PGLYRP1: variants seen among roughly 807,000 people sequenced by gnomAD.
The protein encoded by PGLYRP1 is TNF superfamily, member 3 (LTB)-like (peptidoglycan recognition protein).
Under a neutral mutation model 16.3 loss-of-function variants are expected in PGLYRP1, and 18 were observed. The ratio of observed to expected loss-of-function variants is 1.11; its 90% CI spans 0.77 to 1.64. PGLYRP1 has a LOEUF of 1.64. Ranked by LOEUF, PGLYRP1 falls within the 40% of genes most tolerant of loss-of-function variation. The probability of loss-of-function intolerance (pLI) is 0.00; values close to 1 mark genes in which losing one functional copy is unlikely to be tolerated. For synonymous variants in PGLYRP1, 89 were observed against 105.7 expected (o/e 0.84, Z 0.97); for missense variants, 261 against 268.6 (o/e 0.97, Z 0.20).
chr19:46,020,343 A>G (rs1175150685), intron 1 of PGLYRP1, among the ~76,000 whole-genome samples: 1 of 152,082 alleles, frequency 6.6e-6, no homozygotes, highest in Non-Finnish European at 1.5e-5. Flanking sequence ...TCCCGACCTC[A>G]GGTGATCTGC....
intron 1 of PGLYRP1, among the ~76,000 whole-genome samples, chr19:46,021,985 CTG>C (rs1282579357): frequency 6.6e-6 from 1 of 152,216 alleles, no homozygotes; most frequent in African/African-American, 2.4e-5. Flanking sequence ...TCCAAGGAGC[CTG>C]TGTGGGTCTG....
chr19:46,020,105 C>CT (rs11477830), intron 1 of PGLYRP1, among the ~76,000 whole-genome samples: 10,865 of 127,758 alleles, frequency 0.085, 583 homozygotes, highest in African/African-American at 0.15. Flanking sequence ...GAGGCAGAGA[C>CT]TTTTTTTTTT....
At position 46,019,182 on chromosome 19, in the gene PGLYRP1, G is replaced by T; in HGVS notation, c.*56C>A. 6.8e-7 allele frequency: 1 copy of T among 1,471,172 alleles called. No homozygotes were observed. Among genetic ancestry groups the T allele is most frequent in the South Asian group, 1.1e-5 (1 of 87,456 alleles). 91.1% of individuals were successfully genotyped at this position (1,471,172 alleles called of 1,614,324 possible). On this transcript the variant is annotated 3_prime_UTR_variant, in exon 3 of 3. Coordinates refer to ENST00000008938, the MANE Select transcript of PGLYRP1 (RefSeq NM_005091.3). This position sits in a 1 kb window ranked among gnomAD's most constrained non-coding sequence, Gnocchi z 4.8. ...GAGCTACATCTTTATTGGAGAAGGA[G>T]ACAGTGGGGTTTTTGGCCATGGGAG...
rs773802420 is a variant in PGLYRP1, at chr19:46,019,655, G to A, written c.288-8C>T. Reference sequence around the variant, plus strand: ...TCTTCTCCAATCAGGAAGCTGCATGGGGAGGTGGGGGGGCTTGATGAGTGA... The same window carrying A: ...TCTTCTCCAATCAGGAAGCTGCATGAGGAGGTGGGGGGGCTTGATGAGTGA... On this transcript the variant is annotated splice_polypyrimidine_tract_variant and splice_region_variant and intron_variant, in intron 1 of 2. Coordinates refer to ENST00000008938, the MANE Select transcript of PGLYRP1 (RefSeq NM_005091.3). This position sits in a 1 kb window ranked among gnomAD's most constrained non-coding sequence, Gnocchi z 4.8. 5.6e-6 allele frequency: 9 copies of A among 1,611,580 alleles called. No individual in the cohort carries two copies. In the East Asian group the frequency reaches 2.0e-4, roughly 36 times the overall value.
chr19:46,021,712 G>A (rs888899435), intron 1 of PGLYRP1, among the ~76,000 whole-genome samples: 29 of 152,168 alleles, frequency 1.9e-4, no homozygotes, highest in African/African-American at 6.8e-4. Context: ...GCTCTGCGGG[G>A]GGAAGCCTCC....
Position 46,022,837 on chromosome 19 carries a change from G to C in PGLYRP1, c.185C>G (p.Thr62Arg). The change falls in exon 1 of 3, where the codon ACG (threonine) becomes AGG (arginine). Residue 62 changes from threonine to arginine, a missense_variant. Physicochemically the swap from Thr to Arg is moderately conservative, Grantham distance 71. Transcript: ENST00000008938. The part of the protein sequence containing the change: ...LPLRYVVVSH[T>R]AGSSCNTPAS... Reference sequence around the variant, plus strand: ...GGGGGTGTTGCAGCTGCTGCCCGCCGTGTGCGATACCACCACATAGCGTAA... The same window carrying C: ...GGGGGTGTTGCAGCTGCTGCCCGCCCTGTGCGATACCACCACATAGCGTAA... 1 of 1,613,562 alleles carries C rather than the reference G, an allele frequency of 6.2e-7. No homozygotes were observed. The highest frequency in any genetic ancestry group is 8.5e-7 in the Non-Finnish European group (1 of 1,179,760).
At chr19:46,022,143 C>T (rs1221643646) in intron 1 of PGLYRP1, among the ~76,000 whole-genome samples, 9 of 152,286 alleles carry the variant, frequency 5.9e-5, no homozygotes, top group African/African-American at 2.2e-4. Context: ...CTCCATGCCA[C>T]ATCTGGCACA....
At chr19:46,020,501 C>T (rs922647294) in intron 1 of PGLYRP1, among the ~76,000 whole-genome samples, 2 of 152,108 alleles carry the variant, frequency 1.3e-5, no homozygotes, top group Non-Finnish European at 2.9e-5. Flanking sequence ...GAGCCCCCTG[C>T]CTCTCAGAAC....
chr19:46,022,810 G>GC lies in PGLYRP1; in HGVS notation c.211dup (p.Ala71GlyfsTer131), dbSNP rs1322374252. On this transcript the variant is annotated frameshift_variant, in exon 1 of 3. Coordinates refer to ENST00000008938, the MANE Select transcript of PGLYRP1 (RefSeq NM_005091.3). LOFTEE classifies it high-confidence loss of function. ...ATTCCGGGCCTGCTGCTGGCACGAG[G>GC]CGGGGGTGTTGCAGCTGCTGCCCGC... is the stretch of plus-strand genomic sequence containing the variant. 1.2e-6 allele frequency: 2 copies of GC among 1,613,956 alleles called. No individual in the cohort carries two copies. Among genetic ancestry groups the GC allele is most frequent in the African/African-American group, 2.7e-5 (2 of 74,946 alleles).
At chr19:46,022,625 T>G (rs1969057222) in intron 1 of PGLYRP1, 110 bp downstream of exon 1, 2 of 1,253,700 alleles carry the variant, frequency 1.6e-6, no homozygotes, top group South Asian at 2.7e-5. Context: ...GCTCAGGGTG[T>G]CAGCCAGGTG....
intron 1 of PGLYRP1, 33 bp downstream of exon 1, chr19:46,022,702 C>T: frequency 6.2e-7 from 1 of 1,611,598 alleles, no homozygotes; most frequent in African/African-American, 1.3e-5. Context: ...TCTGGGATCC[C>T]CAGTCCAGCC....
rs1261649569 is a variant in PGLYRP1, at chr19:46,019,423, G to A, written c.410-4C>T. On this transcript the variant is annotated splice_polypyrimidine_tract_variant and splice_region_variant and intron_variant, in intron 2 of 2. Transcript: ENST00000008938. The surrounding 1 kb of genome is among the most constrained non-coding windows in gnomAD (Gnocchi z 4.8). ...GCCTGGGGTGTGGGCACCCGATCTG[G>A]AGGAGGCAGAGGTAGGAGTCAGGCA... The A allele has an allele frequency of 6.2e-7, 1 of 1,613,090 alleles. No individual in the cohort carries two copies. The highest frequency in any genetic ancestry group is 8.5e-7 in the Non-Finnish European group (1 of 1,179,704).
At chr19:46,022,586 A>C in intron 1 of PGLYRP1, 149 bp downstream of exon 1, 2 of 822,752 alleles carry the variant, frequency 2.4e-6, no homozygotes, top group Non-Finnish European at 3.8e-6. Flanking sequence ...GACCCGAGGA[A>C]GAAATGACCT....
At position 46,019,423 on chromosome 19, in the gene PGLYRP1, G is replaced by C; in HGVS notation, c.410-4C>G. On this transcript the variant is annotated splice_polypyrimidine_tract_variant and splice_region_variant and intron_variant, in intron 2 of 2. Transcript: ENST00000008938. The surrounding 1 kb of genome is among the most constrained non-coding windows in gnomAD (Gnocchi z 4.8). ...GCCTGGGGTGTGGGCACCCGATCTG[G>C]AGGAGGCAGAGGTAGGAGTCAGGCA... is the stretch of plus-strand genomic sequence containing the variant. 1 of 1,613,090 alleles carries C rather than the reference G, an allele frequency of 6.2e-7. No homozygotes were observed. Among genetic ancestry groups the C allele is most frequent in the Non-Finnish European group, 8.5e-7 (1 of 1,179,704 alleles).
At chr19:46,020,297 T>G (rs1969031219) in intron 1 of PGLYRP1, among the ~76,000 whole-genome samples, 1 of 151,876 alleles carries the variant, frequency 6.6e-6, no homozygotes, top group African/African-American at 2.4e-5. Flanking sequence ...TTAGTAGAGA[T>G]GGGGTTTCAC....
At position 46,020,775 on chromosome 19, in the gene PGLYRP1, T is replaced by C. The variant is rs959067572; in HGVS notation, c.288-1128A>G. Among the ~76,000 whole-genome samples the C allele has an allele frequency of 2.6e-5, 4 of 152,354 alleles. No individual in the cohort carries two copies. The South Asian group carries it at 6.2e-4, about 24-fold the overall frequency. On this transcript the variant is annotated intron_variant, in intron 1 of 2. Transcript: ENST00000008938. ...GCCAACTCAGCCCCCGCGCTCACAGTGTCATTAATGACGCACAGAATGTCG... is the reference window on the plus strand; with the variant it reads ...GCCAACTCAGCCCCCGCGCTCACAGCGTCATTAATGACGCACAGAATGTCG...
At position 46,022,665 on chromosome 19, in the gene PGLYRP1, G is replaced by A. The variant is rs572548642; in HGVS notation, c.287+70C>T. The A allele has an allele frequency of 1.4e-5, 22 of 1,567,070 alleles. No homozygotes were observed. In the African/African-American group the frequency reaches 1.8e-4, roughly 12 times the overall value. On this transcript the variant is annotated intron_variant, in intron 1 of 2. Coordinates refer to ENST00000008938, the MANE Select transcript of PGLYRP1 (RefSeq NM_005091.3). ...CAGCACCAGGCCTAGAAATGGTCCC[G>A]CTGGCGGGCACTTGCACACCTTTGC...
Position 46,022,770 on chromosome 19 carries a change from G to A in PGLYRP1, c.252C>T (p.His84=), listed in dbSNP as rs1242017693. Residue 84 remains histidine (H), a synonymous_variant, in exon 1 of 3, where the codon CAC becomes CAT. Coordinates refer to ENST00000008938, the MANE Select transcript of PGLYRP1 (RefSeq NM_005091.3). ...QQQARNVQHY[H]MKTLGWCDVG... ...CGTCGCACCAGCCCAGTGTCTTCAT[G>A]TGGTAGTGCTGCACATTCCGGGCCT... 6.2e-7 allele frequency: 1 copy of A among 1,614,232 alleles called. No homozygotes were observed. Among genetic ancestry groups the A allele is most frequent in the East Asian group, 2.2e-5 (1 of 44,882 alleles).
Position 46,019,905 on chromosome 19 carries a change from T to G in PGLYRP1, c.288-258A>C, listed in dbSNP as rs1272921833. On this transcript the variant is annotated intron_variant, in intron 1 of 2. Transcript: ENST00000008938. This position sits in a 1 kb window ranked among gnomAD's most constrained non-coding sequence, Gnocchi z 4.8. Reference sequence around the variant, plus strand: ...CCCTGTGAGTCACTATCACCCCCGTTTTATATAGACAGAATCAGAGCGGTA... The same window carrying G: ...CCCTGTGAGTCACTATCACCCCCGTGTTATATAGACAGAATCAGAGCGGTA... 6.6e-6 allele frequency among the ~76,000 whole-genome samples: 1 copy of G among 152,094 alleles called. No homozygotes were observed. The highest frequency in any genetic ancestry group is 1.5e-5 in the Non-Finnish European group (1 of 68,018).
Sources: allele counts gnomAD v4.1 joint callset (sites outside exome capture counted in the v4.1 genomes callset), GRCh38; gene constraint gnomAD v4.1.1; non-coding constraint Gnocchi (gnomAD v3.1); transcripts MANE v1.5; gene names NCBI Gene and HGNC (gene_info 2026-07-23, HGNC 2026-07-21).